The following KCNQ1 variants were observed in gnomAD, a reference collection of about 807,000 sequenced individuals.
KCNQ1 encodes potassium voltage-gated channel subfamily KQT member 1.
KCNQ1 carries 49 observed loss-of-function variants against 72.4 expected under a neutral mutation model. The ratio of observed to expected loss-of-function variants is 0.68; its 90% CI spans 0.54 to 0.86. The LOEUF (loss-of-function observed/expected upper bound fraction) is 0.86. Among genes scored for constraint, KCNQ1 ranks in the 40% least tolerant of loss-of-function variants. The probability of loss-of-function intolerance (pLI) is 0.00; values close to 1 mark genes in which losing one functional copy is unlikely to be tolerated. For synonymous variants in KCNQ1, 450 were observed against 412.6 expected, an observed-to-expected ratio of 1.09 and a Z score of -1.10; for missense variants, 790 against 945.1, an observed-to-expected ratio of 0.84 and a Z score of 2.15.
rs1847525375 is a variant in KCNQ1 at position 2,813,035 on chromosome 11, GCT to G, written c.1795-34728_1795-34727del. 1.3e-5 allele frequency among the ~76,000 whole-genome samples: 2 copies of G among 152,384 alleles called. No homozygotes were observed. The highest frequency in any genetic ancestry group is 4.8e-5 in the African/African-American group (2 of 41,600). ...GCCTGTGCCTGGAGGCTGTGGCCTG[GCT>G]CTCCAGCTGGAACAGAAGCTCTGAG... On this transcript the variant is annotated intron_variant, in intron 15 of 15. Transcript: ENST00000155840. The surrounding 1 kb of genome is among the most constrained non-coding windows in gnomAD (Gnocchi z 4.4).
At position 2,627,812 on chromosome 11, in the gene KCNQ1, A is replaced by G. The variant is rs1849285843; in HGVS notation, c.1394-34149A>G. ...GTCATCCAGGCAGGAGTACAGTGGC[A>G]CAATCACAGTTCACTGTAGCCTCAA... On this transcript the variant is annotated intron_variant, in intron 10 of 15. Transcript: ENST00000155840. This position sits in a 1 kb window ranked among gnomAD's most constrained non-coding sequence, Gnocchi z 4.9. The G allele has an allele frequency of 5.0e-6, 2 of 398,280 alleles. No individual in the cohort carries two copies. Among genetic ancestry groups the G allele is most frequent in the South Asian group, 1.3e-4 (1 of 7,682 alleles). 24.7% of individuals were successfully genotyped at this position (398,280 alleles called of 1,614,324 possible).
chr11:2,811,130 C>T (rs538423987), intron 15 of KCNQ1, among the ~76,000 whole-genome samples: 24 of 152,342 alleles, frequency 1.6e-4, no homozygotes, highest in Non-Finnish European at 2.5e-4. Flanking sequence ...TGTGCACCTC[C>T]GCAGTGCCGT....
chr11:2,513,175 C>A (rs1458771267), intron 1 of KCNQ1, among the ~76,000 whole-genome samples: 1 of 152,148 alleles, frequency 6.6e-6, no homozygotes, highest in African/African-American at 2.4e-5. Flanking sequence ...GGGACTCCCC[C>A]ACCCTCCGAC....
At position 2,445,058 on chromosome 11, in the gene KCNQ1, T is replaced by C; in HGVS notation, c.-41T>C. ...CGCTCGCCTTCGCTGCAGCTCCCGG[T>C]GCCGCCGCTCGGGCCGGCCCCCCGG... is the stretch of plus-strand genomic sequence containing the variant. On this transcript the variant is annotated 5_prime_UTR_variant, in exon 1 of 16. Transcript: ENST00000155840. The C allele has an allele frequency of 4.8e-6, 5 of 1,047,104 alleles. No individual in the cohort carries two copies. Among genetic ancestry groups the C allele is most frequent in the Non-Finnish European group, 5.7e-6 (5 of 870,814 alleles). The allele number at this position is 1,047,104 out of a possible 1,614,324, so 64.9% of individuals were successfully genotyped here.
At chr11:2,843,021 C>T (rs59531449) in intron 15 of KCNQ1, among the ~76,000 whole-genome samples, 1,900 of 152,350 alleles carry the variant, frequency 0.012, 39 homozygotes, top group African/African-American at 0.043. Context: ...CCTGCCTGCA[C>T]GCTCCCGTGA....
chr11:2,682,601 T>C lies in KCNQ1; in HGVS notation c.1514+20520T>C. ...GGCAACCCAAGGCTGGTCTGGAGAG[T>C]GTAAGGCTTGAGAGCTCTTCTTCAG... On this transcript the variant is annotated intron_variant, in intron 11 of 15. Transcript: ENST00000155840. This position sits in a 1 kb window ranked among gnomAD's most constrained non-coding sequence, Gnocchi z 5.8. 2.5e-6 allele frequency: 1 copy of C among 398,164 alleles called. No individual in the cohort carries two copies. 24.7% of individuals were successfully genotyped at this position (398,164 alleles called of 1,614,324 possible). A position where few individuals can be genotyped will look rare whatever the true frequency, so the allele number is the denominator to read the frequency against.
At position 2,683,678 on chromosome 11, in the gene KCNQ1, G is replaced by C. The variant is rs1850437382; in HGVS notation, c.1514+21597G>C. On this transcript the variant is annotated intron_variant, in intron 11 of 15. Transcript: ENST00000155840. This position sits in a 1 kb window ranked among gnomAD's most constrained non-coding sequence, Gnocchi z 4.7. ...CTTACTTTCCCATCTCAATACAACTGTGAAAAGCCTAGCCTGGGACTCAGG... is the reference window on the plus strand; with the variant it reads ...CTTACTTTCCCATCTCAATACAACTCTGAAAAGCCTAGCCTGGGACTCAGG... The C allele has an allele frequency of 5.0e-6, 2 of 398,600 alleles. No individual in the cohort carries two copies. The highest frequency in any genetic ancestry group is 7.1e-5 in the East Asian group (2 of 28,078). The allele number at this position is 398,600 out of a possible 1,614,324, so 24.7% of individuals were successfully genotyped here. A position where few individuals can be genotyped will look rare whatever the true frequency, so the allele number is the denominator to read the frequency against.
chr11:2,665,485 T>A, intron 11 of KCNQ1: 1 of 395,934 alleles, frequency 2.5e-6, no homozygotes, highest in South Asian at 1.3e-4. Context: ...GTGCCATGCC[T>A]GTGTGCATCC....
chr11:2,800,498 C>T (rs915423535), intron 15 of KCNQ1, among the ~76,000 whole-genome samples: 1 of 152,252 alleles, frequency 6.6e-6, no homozygotes, highest in African/African-American at 2.4e-5. Flanking sequence ...AGCTGCAGCC[C>T]TCCCCACTTT....
chr11:2,747,808 G>A (rs1166125100), intron 11 of KCNQ1, among the ~76,000 whole-genome samples: 1 of 152,102 alleles, frequency 6.6e-6, no homozygotes, highest in Non-Finnish European at 1.5e-5. Flanking sequence ...GAAGGAGGTG[G>A]TGGGAAGAGG....
chr11:2,462,579 C>T lies in KCNQ1; in HGVS notation c.386+17095C>T, dbSNP rs1235996306. Among the ~76,000 whole-genome samples, 1 of 152,128 alleles carries T rather than the reference C, an allele frequency of 6.6e-6. No individual in the cohort carries two copies. Among genetic ancestry groups the T allele is most frequent in the Non-Finnish European group, 1.5e-5 (1 of 68,022 alleles). On this transcript the variant is annotated intron_variant, in intron 1 of 15. Coordinates refer to ENST00000155840, the MANE Select transcript of KCNQ1 (RefSeq NM_000218.3). This position sits in a 1 kb window ranked among gnomAD's most constrained non-coding sequence, Gnocchi z 8.2. Reference sequence around the variant, plus strand: ...TGTTACTGAGTGGCAGGGACGTGCTCCCACACCCCCATGCGCCATCCTGCA... The same window carrying T: ...TGTTACTGAGTGGCAGGGACGTGCTTCCACACCCCCATGCGCCATCCTGCA...
chr11:2,533,287 G>A (rs1427463119), intron 2 of KCNQ1, among the ~76,000 whole-genome samples: 1 of 152,128 alleles, frequency 6.6e-6, no homozygotes, highest in Non-Finnish European at 1.5e-5. Flanking sequence ...TATGCGGTGG[G>A]CCTGAAAAAG....
At position 2,659,444 on chromosome 11, in the gene KCNQ1, C is replaced by G. The variant is rs960330024; in HGVS notation, c.1394-2517C>G. 1.3e-5 allele frequency: 5 copies of G among 398,398 alleles called. No homozygotes were observed. The highest frequency in any genetic ancestry group is 2.5e-4 in the South Asian group (2 of 7,866). The allele number at this position is 398,398 out of a possible 1,614,324, so 24.7% of individuals were successfully genotyped here. A position where few individuals can be genotyped will look rare whatever the true frequency, so the allele number is the denominator to read the frequency against. ...TGTTGCATAAATCATTAGTTAATTT[C>G]TTTTTATTGCTGGGTGGTATTCCAT... On this transcript the variant is annotated intron_variant, in intron 10 of 15. Coordinates refer to ENST00000155840, the MANE Select transcript of KCNQ1 (RefSeq NM_000218.3). The surrounding 1 kb of genome is among the most constrained non-coding windows in gnomAD (Gnocchi z 4.3).
At chr11:2,662,144 T>G in intron 11 of KCNQ1, 63 bp downstream of exon 11, 3 of 1,608,682 alleles carry the variant, frequency 1.9e-6, no homozygotes, top group East Asian at 2.2e-5. Flanking sequence ...GGAGTCAGAC[T>G]TGGTGCTGGG....
At chr11:2,741,051 G>A (rs1846041321) in intron 11 of KCNQ1, among the ~76,000 whole-genome samples, 1 of 152,206 alleles carries the variant, frequency 6.6e-6, no homozygotes, top group Non-Finnish European at 1.5e-5. Context: ...TCCTTTGGGG[G>A]CGCCCTGGGG....
intron 15 of KCNQ1, among the ~76,000 whole-genome samples, chr11:2,802,140 G>T (rs1012600238): frequency 6.6e-6 from 1 of 152,216 alleles, no homozygotes; most frequent in East Asian, 1.9e-4. Flanking sequence ...CCTCCACTCC[G>T]CTTTTCCAGG....
Position 2,733,857 on chromosome 11 carries a change from C to CTCTCTCTCTCTCTCT in KCNQ1, c.1515-34987_1515-34986insTCTCTCTCTCTCTCT, listed in dbSNP as rs147278439. ...TCTCTCTCTCTCTCTCTCTCTCTCT[C>CTCTCTCTCTCTCTCT]CCCCCCCACTTCAGGGCCTTCGCGC... On this transcript the variant is annotated intron_variant, in intron 11 of 15. Transcript: ENST00000155840. Among the ~76,000 whole-genome samples, 110 of 76,292 alleles carry CTCTCTCTCTCTCTCT rather than the reference C, an allele frequency of 1.4e-3. 1 individual carries two copies. Among genetic ancestry groups the CTCTCTCTCTCTCTCT allele is most frequent in the East Asian group, 2.0e-3 (6 of 2,928 alleles). 50.1% of individuals were successfully genotyped at this position (76,292 alleles called of 152,430 possible).
At position 2,481,144 on chromosome 11, in the gene KCNQ1, A is replaced by T. The variant is rs532837884; in HGVS notation, c.386+35660A>T. Among the ~76,000 whole-genome samples the T allele has an allele frequency of 3.3e-5, 5 of 152,366 alleles. No individual in the cohort carries two copies. In the South Asian group the frequency reaches 8.3e-4, roughly 25 times the overall value. On this transcript the variant is annotated intron_variant, in intron 1 of 15. Coordinates refer to ENST00000155840, the MANE Select transcript of KCNQ1 (RefSeq NM_000218.3). This position sits in a 1 kb window ranked among gnomAD's most constrained non-coding sequence, Gnocchi z 4.6. ...AACTGATGCGATGTGTGATGTCACT[A>T]GTTCTCATCCAAAGCAGATGACAAT...
chr11:2,705,944 G>A (rs1222760907), intron 11 of KCNQ1, among the ~76,000 whole-genome samples: 3 of 152,192 alleles, frequency 2.0e-5, no homozygotes, highest in African/African-American at 7.2e-5. Context: ...GGTGAGCAGT[G>A]GGTGCAGAGT....
Sources: gnomAD v4.1 joint callset for allele counts (sites outside exome capture counted in the v4.1 genomes callset) on GRCh38, gnomAD v4.1.1 for gene constraint, Gnocchi (gnomAD v3.1) non-coding constraint, MANE v1.5 for transcripts, NCBI Gene and HGNC (gene_info 2026-07-23, HGNC 2026-07-21) for gene names.